Variants in CCDC7 observed in about 807,000 individuals in gnomAD.
CCDC7 encodes coiled-coil domain-containing protein 7.
CCDC7 carries 183 observed loss-of-function variants against 196.9 expected under a neutral mutation model. The observed-to-expected ratio is 0.93, with a 90% CI of 0.82 to 1.05. The LOEUF is 1.05. Among genes scored for constraint, CCDC7 ranks in the 50% least tolerant of loss-of-function variants. The pLI is 0.00. For missense variants in CCDC7, 1,540 were observed against 1,482.2 expected, an observed-to-expected ratio of 1.04 and a Z score of -0.64; for synonymous variants, 525 against 484.6, an observed-to-expected ratio of 1.08 and a Z score of -1.10.
chr10:32,666,951 A>T (rs2072907999), intron 21 of CCDC7, among the ~76,000 whole-genome samples: 1 of 152,196 alleles, frequency 6.6e-6, no homozygotes, highest in African/African-American at 2.4e-5. Context: ...GAATTGCCAC[A>T]CTGCCTTCCA....
chr10:32,790,587 A>G (rs943801882), intron 29 of CCDC7, among the ~76,000 whole-genome samples: 3 of 152,046 alleles, frequency 2.0e-5, no homozygotes, highest in South Asian at 2.1e-4. Flanking sequence ...TCCTCTCTCA[A>G]TGCCCAAGTT....
chr10:32,447,644 GT>G (rs1343852913), upstream of CCDC7, among the ~76,000 whole-genome samples: 5 of 152,180 alleles, frequency 3.3e-5, no homozygotes, highest in African/African-American at 1.2e-4. Context: ...GCTCAGGCGT[GT>G]AATCCCAGCA....
At chr10:32,876,289 A>C in intron 41 of CCDC7, 58 bp from the exon 43 acceptor site, 1 of 1,277,778 alleles carries the variant, frequency 7.8e-7, no homozygotes, top group Non-Finnish European at 1.1e-6. Flanking sequence ...AATAAAAATT[A>C]TATCAACTGG....
intron 26 of CCDC7, among the ~76,000 whole-genome samples, chr10:32,728,080 A>G (rs2083382899): frequency 6.6e-6 from 1 of 152,150 alleles, no homozygotes; most frequent in Admixed American, 6.5e-5. Flanking sequence ...TGAAGTTGGC[A>G]TCTCATACAC....
chr10:32,742,701 A>G (rs1463074560), intron 28 of CCDC7, among the ~76,000 whole-genome samples: 1 of 152,198 alleles, frequency 6.6e-6, no homozygotes, highest in Non-Finnish European at 1.5e-5. Context: ...GAAGTCCAAG[A>G]TCAATGTGCT....
intron 24 of CCDC7, among the ~76,000 whole-genome samples, chr10:32,710,502 C>T (rs577825642): frequency 6.6e-6 from 1 of 152,322 alleles, no homozygotes; most frequent in South Asian, 2.1e-4. Flanking sequence ...GGCATCTTTG[C>T]CTGAGAGTCT....
At chr10:32,580,465 A>C (rs535367988) in intron 16 of CCDC7, among the ~76,000 whole-genome samples, 65 of 151,664 alleles carry the variant, frequency 4.3e-4, no homozygotes, top group Non-Finnish European at 6.5e-4. Context: ...ATCAACATTA[A>C]TTGTATTGTA....
intron 20 of CCDC7, among the ~76,000 whole-genome samples, chr10:32,653,259 G>A (rs1046816451): frequency 1.3e-5 from 2 of 152,146 alleles, no homozygotes; most frequent in African/African-American, 4.8e-5. Context: ...GGGCTGGGGT[G>A]AGTCTCAATG....
intron 9 of CCDC7, among the ~76,000 whole-genome samples, chr10:32,511,102 TATATA>T (rs2046040899): frequency 6.6e-6 from 1 of 151,964 alleles, no homozygotes; most frequent in African/African-American, 2.4e-5. Flanking sequence ...AAATTATAAA[TATATA>T]ATATATCACA....
At chr10:32,686,818 G>A (rs1311804614) in intron 22 of CCDC7, among the ~76,000 whole-genome samples, 1 of 152,182 alleles carries the variant, frequency 6.6e-6, no homozygotes, top group Admixed American at 6.5e-5. Context: ...GTTGCTGCAT[G>A]TGGGCCAATA....
chr10:32,854,432 A>G, exon 41 of CCDC7: 1 of 1,608,240 alleles, frequency 6.2e-7, no homozygotes, highest in Non-Finnish European at 8.5e-7. Flanking sequence ...AAGCCAAAAA[A>G]CTATTGAATT....
intron 20 of CCDC7, among the ~76,000 whole-genome samples, 197 bp downstream of exon 21, chr10:32,635,355 TATA>T (rs1469253904): frequency 6.6e-6 from 1 of 152,192 alleles, no homozygotes; most frequent in Non-Finnish European, 1.5e-5. Context: ...TGTTCCTTTT[TATA>T]ATAATGTCAG....
chr10:32,757,670 C>G (rs1164112278), intron 28 of CCDC7, among the ~76,000 whole-genome samples: 1 of 152,214 alleles, frequency 6.6e-6, no homozygotes, highest in East Asian at 1.9e-4. Flanking sequence ...AAAATTGACA[C>G]TCTAACATCA....
chr10:32,622,754 T>C (rs1590730843), intron 18 of CCDC7, among the ~76,000 whole-genome samples: 1 of 152,152 alleles, frequency 6.6e-6, no homozygotes, highest in South Asian at 2.1e-4. Flanking sequence ...AAATGTCCCC[T>C]GGGGGAAAAA....
chr10:32,828,836 C>A (rs924898847), intron 32 of CCDC7, among the ~76,000 whole-genome samples: 15 of 152,292 alleles, frequency 9.8e-5, no homozygotes, highest in Middle Eastern at 6.8e-3. Context: ...CTCACCATCA[C>A]CCCTAGTGAT....
chr10:32,614,366 C>T (rs1055970412), intron 18 of CCDC7, among the ~76,000 whole-genome samples: 2 of 151,608 alleles, frequency 1.3e-5, no homozygotes, highest in Non-Finnish European at 2.9e-5. Context: ...CTCCTGAATA[C>T]AGCACAGCAA....
chr10:32,762,942 T>C (rs569659150), intron 28 of CCDC7, among the ~76,000 whole-genome samples: 5 of 152,014 alleles, frequency 3.3e-5, no homozygotes, highest in Admixed American at 2.0e-4. Flanking sequence ...CTTCTTGATA[T>C]TGATCTTGGC....
At chr10:32,680,121 A>G (rs867926774) in intron 21 of CCDC7, among the ~76,000 whole-genome samples, 1 of 152,094 alleles carries the variant, frequency 6.6e-6, no homozygotes, top group African/African-American at 2.4e-5. Context: ...TCTCAAGGAG[A>G]CTTTCTCTAT....
At chr10:32,725,519 T>G in intron 25 of CCDC7, 1 of 409,172 alleles carries the variant, frequency 2.4e-6, no homozygotes, top group Non-Finnish European at 4.8e-6. Context: ...TAGAATATTG[T>G]GTTCATGCAT....
Sources: allele counts gnomAD v4.1 joint callset (sites outside exome capture counted in the v4.1 genomes callset), GRCh38; gene constraint gnomAD v4.1.1; transcripts MANE v1.5; gene names NCBI Gene and HGNC (gene_info 2026-07-23, HGNC 2026-07-21).